The following SOX6 variants were observed in gnomAD, a reference collection of about 807,000 sequenced individuals.
SOX6 encodes the protein transcription factor SOX-6.
A neutral mutation model predicts 97.8 loss-of-function variants in SOX6; 11 were observed. The ratio of observed to expected loss-of-function variants is 0.11; its 90% CI spans 0.07 to 0.19. The LOEUF (loss-of-function observed/expected upper bound fraction) is 0.19. SOX6 is among the 10% of genes least tolerant of loss of function. The pLI is 1.00. For missense variants in SOX6, 810 were observed against 1,039.5 expected (o/e 0.78, Z 3.04); for synonymous variants, 360 against 371.4 (o/e 0.97, Z 0.35).
chr11:16,283,089 G>GTGTGTA (rs370335142), intron 3 of SOX6, among the ~76,000 whole-genome samples: 2 of 113,710 alleles, frequency 1.8e-5, no homozygotes, highest in Admixed American at 9.1e-5. Flanking sequence ...TATATAATTT[G>GTGTGTA]TATATATATA....
intron 13 of SOX6, among the ~76,000 whole-genome samples, chr11:15,993,832 G>T (rs1379476495): frequency 6.6e-6 from 1 of 152,180 alleles, no homozygotes; most frequent in South Asian, 2.1e-4. Context: ...AGGTGGGTTG[G>T]AAAGAAGGCC....
chr11:16,446,598 A>C (rs1859616787), intron 1 of SOX6, among the ~76,000 whole-genome samples: 1 of 152,106 alleles, frequency 6.6e-6, no homozygotes, highest in Non-Finnish European at 1.5e-5. Flanking sequence ...TTACGCACAT[A>C]AACAAGTTTT....
At chr11:16,373,474 C>T (rs995674181) in intron 1 of SOX6, among the ~76,000 whole-genome samples, 1 of 152,088 alleles carries the variant, frequency 6.6e-6, no homozygotes, top group Non-Finnish European at 1.5e-5. Flanking sequence ...ACTAAATAAA[C>T]TTAAACTCCT....
At chr11:16,459,105 C>A (rs1172185065) in intron 1 of SOX6, among the ~76,000 whole-genome samples, 1 of 151,812 alleles carries the variant, frequency 6.6e-6, no homozygotes, top group Non-Finnish European at 1.5e-5. Context: ...AGGAACAAAC[C>A]CCAGAGCTCA....
chr11:16,619,232 G>A (rs1452096828), intron 3 of SOX6, among the ~76,000 whole-genome samples: 6 of 148,844 alleles, frequency 4.0e-5, no homozygotes, highest in East Asian at 2.0e-4. Context: ...TCATGAGCCC[G>A]TATTACCAAA....
At chr11:16,706,050 G>T (rs1008816702) in intron 3 of SOX6, among the ~76,000 whole-genome samples, 2 of 152,036 alleles carry the variant, frequency 1.3e-5, no homozygotes, top group African/African-American at 4.8e-5. Flanking sequence ...ACAGAATGAA[G>T]AATTTGTAAT....
At chr11:16,357,556 A>G (rs1857106306), upstream of SOX6, among the ~76,000 whole-genome samples, 1 of 152,144 alleles carries the variant, frequency 6.6e-6, no homozygotes, top group African/African-American at 2.4e-5. Context: ...AAAGAATAAA[A>G]AAGAGGGACC....
intron 1 of SOX6, among the ~76,000 whole-genome samples, chr11:16,372,326 T>C (rs1350229234): frequency 6.6e-6 from 1 of 152,078 alleles, no homozygotes; most frequent in African/African-American, 2.4e-5. Context: ...ACCAAATACT[T>C]ATTTTTAATA....
chr11:16,061,130 G>A (rs1847940018), intron 9 of SOX6, among the ~76,000 whole-genome samples: 2 of 151,732 alleles, frequency 1.3e-5, no homozygotes, highest in East Asian at 1.9e-4. Context: ...ATTTAGTCAA[G>A]TTTAATCACA....
At chr11:16,162,842 G>A (rs745359281) in intron 6 of SOX6, among the ~76,000 whole-genome samples, 4 of 152,138 alleles carry the variant, frequency 2.6e-5, no homozygotes, top group Non-Finnish European at 2.9e-5. Context: ...TATTTTCCAC[G>A]CTTTGTGGTT....
chr11:16,272,090 C>T (rs1188339640), intron 3 of SOX6, among the ~76,000 whole-genome samples: 1 of 151,244 alleles, frequency 6.6e-6, no homozygotes, highest in East Asian at 1.9e-4. Flanking sequence ...TATATTTCCC[C>T]TTTTATTTAA....
At chr11:16,157,695 T>C (rs1241985043) in intron 6 of SOX6, among the ~76,000 whole-genome samples, 1 of 152,016 alleles carries the variant, frequency 6.6e-6, no homozygotes, top group Non-Finnish European at 1.5e-5. Flanking sequence ...TGCATAGCTA[T>C]ACTCTAGCTT....
At chr11:15,979,638 C>T (rs1271742310) in intron 15 of SOX6, among the ~76,000 whole-genome samples, 1 of 152,090 alleles carries the variant, frequency 6.6e-6, no homozygotes, top group African/African-American at 2.4e-5. Flanking sequence ...TTGCTCCTGT[C>T]ATTCTGGCCT....
chr11:16,557,233 G>C (rs937814586), intron 4 of SOX6, among the ~76,000 whole-genome samples: 5 of 151,908 alleles, frequency 3.3e-5, no homozygotes, highest in African/African-American at 1.2e-4. Flanking sequence ...GAAGTGTAAA[G>C]ATGGACAAAG....
chr11:16,396,440 C>T (rs941787671), intron 1 of SOX6, among the ~76,000 whole-genome samples: 22 of 151,442 alleles, frequency 1.5e-4, no homozygotes, highest in African/African-American at 4.8e-4. Flanking sequence ...TGTAGATTTC[C>T]GACACTGAAT....
intron 6 of SOX6, among the ~76,000 whole-genome samples, chr11:16,137,117 G>C (rs74610974): frequency 0.024 from 3,614 of 152,222 alleles, 143 homozygotes; most frequent in African/African-American, 0.082. Context: ...TTAAAGAATT[G>C]TACAAAGTGT....
chr11:16,005,137 G>C (rs184165778), intron 13 of SOX6, among the ~76,000 whole-genome samples: 12 of 152,052 alleles, frequency 7.9e-5, no homozygotes, highest in Admixed American at 7.9e-4. Context: ...CCTCATACCT[G>C]GGTGATGTTT....
chr11:16,293,442 A>G (rs984437859), intron 3 of SOX6, among the ~76,000 whole-genome samples: 6 of 152,180 alleles, frequency 3.9e-5, no homozygotes, highest in African/African-American at 1.4e-4. Context: ...TACTGTAAAC[A>G]TTTTAAAAAG....
chr11:16,410,279 T>A (rs906656184), intron 1 of SOX6, among the ~76,000 whole-genome samples: 2 of 152,140 alleles, frequency 1.3e-5, no homozygotes, highest in African/African-American at 4.8e-5. Context: ...AATAAAGTAA[T>A]GTCCAAATAG....
Sources: gnomAD v4.1 joint callset for allele counts (sites outside exome capture counted in the v4.1 genomes callset) on GRCh38, gnomAD v4.1.1 for gene constraint, MANE v1.5 for transcripts, NCBI Gene and HGNC (gene_info 2026-07-23, HGNC 2026-07-21) for gene names.